GRAMD1B: variants seen among roughly 807,000 people sequenced by gnomAD.
GRAMD1B encodes protein Aster-B.
Under a neutral mutation model 99.7 loss-of-function variants are expected in GRAMD1B, and 37 were observed. The ratio of observed to expected loss-of-function variants is 0.37; its 90% CI spans 0.29 to 0.49. The LOEUF is 0.49. Among genes scored for constraint, GRAMD1B ranks in the 20% least tolerant of loss-of-function variants. The pLI, the probability that GRAMD1B is intolerant of heterozygous loss-of-function variation, is 0.98. For synonymous variants in GRAMD1B, 427 were observed against 387.6 expected, an observed-to-expected ratio of 1.10 and a Z score of -1.19; for missense variants, 888 against 1,009.2, an observed-to-expected ratio of 0.88 and a Z score of 1.63.
chr11:123,371,857 C>G (rs1045053032), intron 1 of GRAMD1B, among the ~76,000 whole-genome samples: 2 of 152,186 alleles, frequency 1.3e-5, no homozygotes, highest in Non-Finnish European at 2.9e-5. Context: ...TCAAGCTCCC[C>G]CTGTATCTAG....
intron 9 of GRAMD1B, among the ~76,000 whole-genome samples, chr11:123,604,044 A>C (rs1302590743): frequency 6.6e-6 from 1 of 152,214 alleles, no homozygotes; most frequent in Non-Finnish European, 1.5e-5. Flanking sequence ...GAAGGATGGC[A>C]TTGTTCCAAA....
intron 1 of GRAMD1B, among the ~76,000 whole-genome samples, chr11:123,422,950 C>T (rs76326355): frequency 0.15 from 4,048 of 26,794 alleles, 185 homozygotes; most frequent in African/African-American, 0.41. Context: ...TTCCTCCCTT[C>T]CCCCAGATTT....
At chr11:123,522,252 C>T (rs902061603) in intron 2 of GRAMD1B, among the ~76,000 whole-genome samples, 3 of 152,226 alleles carry the variant, frequency 2.0e-5, no homozygotes, top group African/African-American at 7.2e-5. Context: ...CACTTGGTCT[C>T]AGTCTTTACC....
At position 123,482,288 on chromosome 11, in the gene GRAMD1B, G is replaced by A. The variant is rs554162268; in HGVS notation, c.452+1395G>A. 1.3e-4 allele frequency among the ~76,000 whole-genome samples: 19 copies of A among 151,992 alleles called. No homozygotes were observed. The East Asian group carries it at 1.7e-3, about 14-fold the overall frequency. ...TAATTTTTATATTTTTAGTAGAGACGGGGCTTCCCCATGTTGGTCAGGCTG... is the reference window on the plus strand; with the variant it reads ...TAATTTTTATATTTTTAGTAGAGACAGGGCTTCCCCATGTTGGTCAGGCTG... On this transcript the variant is annotated intron_variant, in intron 2 of 19. Coordinates refer to ENST00000635736, the MANE Select transcript of GRAMD1B (RefSeq NM_001387025.1).
intron 7 of GRAMD1B, chr11:123,598,828 GT>G: frequency 8.0e-7 from 1 of 1,254,230 alleles, no homozygotes. Flanking sequence ...TTCCCAGAAA[GT>G]TCATTCTGAT....
chr11:123,452,871 C>T (rs1297462468), intron 1 of GRAMD1B, among the ~76,000 whole-genome samples: 4 of 152,182 alleles, frequency 2.6e-5, no homozygotes, highest in Admixed American at 6.5e-5. Flanking sequence ...AACCACCAGG[C>T]TTCCCTTTCA....
At chr11:123,451,930 C>T (rs927525475) in intron 1 of GRAMD1B, among the ~76,000 whole-genome samples, 5 of 152,148 alleles carry the variant, frequency 3.3e-5, no homozygotes, top group Admixed American at 6.5e-5. Context: ...AAATCCTGGG[C>T]TCAAGTGATC....
rs554721257 is a variant in GRAMD1B at position 123,383,933 on chromosome 11, C to T, written c.-176+25134C>T. ...TTGCCCAGGCTGGAGTGCAGTGACG[C>T]GATCTCAGCTCACTGCAACCTCCAC... On this transcript the variant is annotated intron_variant, in intron 1 of 20. Coordinates refer to the GRAMD1B transcript ENST00000638157. 1.2e-3 allele frequency among the ~76,000 whole-genome samples: 182 copies of T among 152,084 alleles called. 1 individual carries two copies. The highest frequency in any genetic ancestry group is 3.9e-3 in the African/African-American group (162 of 41,478).
intron 2 of GRAMD1B, chr11:123,559,783 C>A: frequency 6.8e-6 from 4 of 592,572 alleles, no homozygotes; most frequent in South Asian, 1.5e-4. Context: ...AGCAGCTACA[C>A]TGAAGAGGCC....
intron 2 of GRAMD1B, among the ~76,000 whole-genome samples, chr11:123,508,885 A>G (rs547363459): frequency 6.6e-6 from 1 of 152,104 alleles, no homozygotes; most frequent in Non-Finnish European, 1.5e-5. Context: ...GAGTTTTATT[A>G]TGTTGGCCAG....
rs544075384 is a variant in GRAMD1B at position 123,391,477 on chromosome 11, G to A, written c.-176+32678G>A. ...TTTTTGTTTGTTTGTTTGTTTGAGAGAGAGAGTCTCGTTCTGTCACCCAGG... is the reference window on the plus strand; with the variant it reads ...TTTTTGTTTGTTTGTTTGTTTGAGAAAGAGAGTCTCGTTCTGTCACCCAGG... On this transcript the variant is annotated intron_variant, in intron 1 of 20. Coordinates refer to the GRAMD1B transcript ENST00000638157. 2.8e-3 allele frequency among the ~76,000 whole-genome samples: 426 copies of A among 152,300 alleles called. 2 individuals are homozygous for A. Among genetic ancestry groups the A allele is most frequent in the Non-Finnish European group, 4.5e-3 (308 of 68,030 alleles).
intron 4 of GRAMD1B, among the ~76,000 whole-genome samples, chr11:123,588,019 C>G (rs1298250191): frequency 6.9e-6 from 1 of 145,026 alleles, no homozygotes; most frequent in African/African-American, 2.5e-5. Flanking sequence ...CACCCCTTCT[C>G]TACCCTTCTC....
intron 1 of GRAMD1B, among the ~76,000 whole-genome samples, chr11:123,445,514 C>A (rs1475952794): frequency 6.6e-6 from 1 of 151,894 alleles, no homozygotes; most frequent in Non-Finnish European, 1.5e-5. Context: ...GAAAATATCA[C>A]TTTAAAAAAA....
At chr11:123,617,528 G>T (rs1181088729) in intron 17 of GRAMD1B, among the ~76,000 whole-genome samples, 2 of 151,994 alleles carry the variant, frequency 1.3e-5, no homozygotes, top group Non-Finnish European at 2.9e-5. Context: ...TCTTATGTGT[G>T]TCTACCTCTC....
chr11:123,593,812 C>T (rs568593817), intron 4 of GRAMD1B, among the ~76,000 whole-genome samples: 4 of 152,208 alleles, frequency 2.6e-5, no homozygotes, highest in South Asian at 4.2e-4. Context: ...CTTTCTCTTA[C>T]GGGATATAAC....
rs574851211 is a variant in GRAMD1B at position 123,532,397 on chromosome 11, T to A, written c.453-44970T>A. ...CCAGAGCTAGTCACGTGGCCCTGCC[T>A]GACTGCAGGAAAGCTGGAAGATGTG... On this transcript the variant is annotated intron_variant, in intron 2 of 19. Transcript: ENST00000635736. Among the ~76,000 whole-genome samples, 37 of 152,352 alleles carry A rather than the reference T, an allele frequency of 2.4e-4. 1 individual carries two copies. Among genetic ancestry groups the A allele is most frequent in the Admixed American group, 2.0e-3 (31 of 15,310 alleles).
intron 1 of GRAMD1B, among the ~76,000 whole-genome samples, chr11:123,371,934 A>G (rs1292625530): frequency 6.6e-6 from 1 of 152,206 alleles, no homozygotes; most frequent in East Asian, 1.9e-4. Flanking sequence ...TACAAATACC[A>G]AAAGAACACA....
intron 8 of GRAMD1B, among the ~76,000 whole-genome samples, chr11:123,601,448 A>G (rs2073838083): frequency 6.6e-6 from 1 of 151,914 alleles, no homozygotes; most frequent in Non-Finnish European, 1.5e-5. Context: ...TCTCCAAGCC[A>G]GAGAAAGAGA....
chr11:123,392,242 C>G lies in GRAMD1B; in HGVS notation c.-176+33443C>G, dbSNP rs78238452. ...TGAAAGCAGGGACAAGTCTCCAGAT[C>G]GTATGTCTTTGCCCTCTGAATGCAT... is the stretch of plus-strand genomic sequence containing the variant. On this transcript the variant is annotated intron_variant, in intron 1 of 20. Coordinates refer to the GRAMD1B transcript ENST00000638157. Among the ~76,000 whole-genome samples, 67 of 151,998 alleles carry G rather than the reference C, an allele frequency of 4.4e-4. No individual in the cohort carries two copies. In the East Asian group the frequency reaches 6.7e-3, roughly 15 times the overall value.
Sources: allele counts gnomAD v4.1 joint callset (sites outside exome capture counted in the v4.1 genomes callset), GRCh38; gene constraint gnomAD v4.1.1; transcripts MANE v1.5; gene names NCBI Gene and HGNC (gene_info 2026-07-23, HGNC 2026-07-21).